CFAP61: variants seen among roughly 807,000 people sequenced by gnomAD.
CFAP61 encodes the protein cilia- and flagella-associated protein 61.
In CFAP61, 107 loss-of-function variants were observed where a neutral mutation model predicts 135.6. The observed-to-expected ratio is 0.79, with a 90% CI of 0.67 to 0.93. The LOEUF (loss-of-function observed/expected upper bound fraction) is 0.93, where lower values mean the gene tolerates loss of function less well. Ranked by LOEUF, CFAP61 falls within the 40% of genes least tolerant of loss-of-function variation. CFAP61 has a pLI of 0.00. For missense variants in CFAP61, 1,507 were observed against 1,556.2 expected, an observed-to-expected ratio of 0.97 and a Z score of 0.53; for synonymous variants, 575 against 578.5, an observed-to-expected ratio of 0.99 and a Z score of 0.09.
At chr20:20,355,411 G>C (rs113268959) in intron 26 of CFAP61, among the ~76,000 whole-genome samples, 1 of 69,392 alleles carries the variant, frequency 1.4e-5, no homozygotes. Context: ...ACACTGTGAG[G>C]GGAGGTGGTC....
intron 8 of CFAP61, among the ~76,000 whole-genome samples, chr20:20,104,899 C>A (rs887591581): frequency 5.3e-5 from 8 of 152,140 alleles, no homozygotes; most frequent in African/African-American, 1.9e-4. Flanking sequence ...TATAAGGACA[C>A]CAGTCACAAT....
At chr20:20,157,868 T>C (rs2053064326) in intron 9 of CFAP61, among the ~76,000 whole-genome samples, 1 of 152,198 alleles carries the variant, frequency 6.6e-6, no homozygotes, top group Non-Finnish European at 1.5e-5. Context: ...GCAAATTACA[T>C]ATCTGACAGA....
intron 2 of CFAP61, among the ~76,000 whole-genome samples, chr20:20,062,516 G>T (rs1474742050): frequency 6.6e-6 from 1 of 151,828 alleles, no homozygotes; most frequent in African/African-American, 2.4e-5. Context: ...GGACAAGAGC[G>T]CATATTAATG....
At chr20:20,246,055 T>C (rs889820646) in intron 18 of CFAP61, 62 bp from the exon 19 acceptor site, 1 of 1,008,520 alleles carries the variant, frequency 9.9e-7, no homozygotes, top group Non-Finnish European at 1.5e-6. Context: ...AATTGAATTA[T>C]GATAAACTTT....
At chr20:20,065,956 A>C (rs2045226572) in intron 2 of CFAP61, among the ~76,000 whole-genome samples, 1 of 151,430 alleles carries the variant, frequency 6.6e-6, no homozygotes, top group South Asian at 2.1e-4. Flanking sequence ...AAATCTTAGA[A>C]AATCTTTTGT....
chr20:20,140,858 A>G (rs2051340085), intron 8 of CFAP61, among the ~76,000 whole-genome samples: 1 of 151,986 alleles, frequency 6.6e-6, no homozygotes, highest in Non-Finnish European at 1.5e-5. Context: ...TGTGGCACAT[A>G]TACACCATGG....
intron 22 of CFAP61, 58 bp from the exon 23 acceptor site, chr20:20,288,551 T>C (rs1386475634): frequency 2.9e-6 from 4 of 1,370,970 alleles, no homozygotes; most frequent in Non-Finnish European, 4.1e-6. Context: ...AGTCACACTT[T>C]TGGGAAGGTA....
At chr20:20,089,118 A>G (rs1336429369) in intron 6 of CFAP61, among the ~76,000 whole-genome samples, 1 of 152,082 alleles carries the variant, frequency 6.6e-6, no homozygotes, top group African/African-American at 2.4e-5. Flanking sequence ...GCTTCCAGCT[A>G]CAAATGTTCA....
intron 25 of CFAP61, among the ~76,000 whole-genome samples, chr20:20,304,160 G>A (rs1352657008): frequency 1.3e-5 from 2 of 152,034 alleles, no homozygotes; most frequent in African/African-American, 4.8e-5. Flanking sequence ...AAGTGTCTGC[G>A]GCCCAGGCTG....
intron 6 of CFAP61, among the ~76,000 whole-genome samples, chr20:20,080,933 C>T (rs1035218610): frequency 9.9e-5 from 15 of 151,326 alleles, no homozygotes; most frequent in African/African-American, 2.7e-4. Context: ...ACCTGGGAGG[C>T]GGAGGTTGCA....
At chr20:20,340,280 A>G (rs1483368580) in intron 25 of CFAP61, among the ~76,000 whole-genome samples, 8 of 152,208 alleles carry the variant, frequency 5.3e-5, no homozygotes. Flanking sequence ...AATGTTTTAC[A>G]AAAATTGCTA....
In CFAP61 at chr20:20,196,717, C is replaced by T. The variant is rs147826340; in HGVS notation, c.1738C>T (p.Arg580Cys). 1.5e-5 allele frequency: 24 copies of T among 1,614,134 alleles called. No homozygotes were observed. Among genetic ancestry groups the T allele is most frequent in the Non-Finnish European group, 1.8e-5 (21 of 1,180,026 alleles). ...YTKFFLKEIL[R>C]LGFKSCLYYR... ...CAAGTTCTTTCTGAAGGAGATCCTG[C>T]GTTTAGGCTTTAAATCCTGTCTCTA... The change falls in exon 16 of 27, where the codon CGT (arginine) becomes TGT (cysteine). Residue 580 changes from arginine (R) to cysteine (C), a missense_variant. Transcript: ENST00000245957.
At chr20:20,063,679 T>A (rs1390195921) in intron 2 of CFAP61, among the ~76,000 whole-genome samples, 3 of 152,214 alleles carry the variant, frequency 2.0e-5, no homozygotes, top group Non-Finnish European at 4.4e-5. Context: ...ATGCCTGTTG[T>A]CATGAGATCC....
intron 25 of CFAP61, among the ~76,000 whole-genome samples, chr20:20,341,509 T>C (rs1402521164): frequency 1.3e-5 from 2 of 152,232 alleles, no homozygotes; most frequent in African/African-American, 4.8e-5. Flanking sequence ...GCAATCTGTT[T>C]TTCTCAAACG....
chr20:20,316,900 A>G (rs2057170239), intron 25 of CFAP61: 1 of 132,000 alleles, frequency 7.6e-6, no homozygotes, highest in South Asian at 3.1e-4. Context: ...CAAGGCAGAC[A>G]GAGTCTCACT....
chr20:20,188,453 G>A (rs1372019149), intron 14 of CFAP61, among the ~76,000 whole-genome samples: 1 of 152,172 alleles, frequency 6.6e-6, no homozygotes, highest in Non-Finnish European at 1.5e-5. Flanking sequence ...ACCAGATTGA[G>A]GGTAGTGGGA....
At chr20:20,295,256 G>A (rs2055330116) in intron 24 of CFAP61, among the ~76,000 whole-genome samples, 1 of 152,202 alleles carries the variant, frequency 6.6e-6, no homozygotes, top group African/African-American at 2.4e-5. Flanking sequence ...GGGGGATTTA[G>A]TGAGACTCTT....
chr20:20,182,187 A>G (rs1032224051), intron 13 of CFAP61, among the ~76,000 whole-genome samples: 2 of 152,258 alleles, frequency 1.3e-5, no homozygotes, highest in South Asian at 2.1e-4. Context: ...AGAATAGGGT[A>G]AGAAATAAAG....
chr20:20,221,783 A>G (rs1162464774), intron 17 of CFAP61: 2 of 152,206 alleles, frequency 1.3e-5, no homozygotes, highest in African/African-American at 2.4e-5. Flanking sequence ...CATTCCTCCA[A>G]TGACTAATAT....
Sources: gnomAD v4.1 joint callset for allele counts (sites outside exome capture counted in the v4.1 genomes callset) on GRCh38, gnomAD v4.1.1 for gene constraint, MANE v1.5 for transcripts, NCBI Gene and HGNC (gene_info 2026-07-23, HGNC 2026-07-21) for gene names.